PIK3R5: variants seen among roughly 807,000 people sequenced by gnomAD.
PIK3R5 encodes the protein phosphoinositide-3-kinase regulatory subunit 5, also known as phosphoinositide 3-kinase regulatory subunit 5.
PIK3R5 carries 32 observed loss-of-function variants against 94.9 expected under a neutral mutation model. The ratio of observed to expected loss-of-function variants is 0.34; its 90% CI spans 0.25 to 0.45. The LOEUF (loss-of-function observed/expected upper bound fraction) is 0.45, where lower values mean the gene tolerates loss of function less well. Among genes scored for constraint, PIK3R5 ranks in the 20% least tolerant of loss-of-function variants. PIK3R5 has a pLI of 1.00. For missense variants in PIK3R5, 853 were observed against 1,144.6 expected (o/e 0.75, Z 3.68); for synonymous variants, 443 against 479.4 (o/e 0.92, Z 0.99).
At chr17:8,914,830 T>C (rs181538) in intron 1 of PIK3R5, among the ~76,000 whole-genome samples, 73,673 of 152,154 alleles carry the variant, frequency 0.48, 18,017 homozygotes, top group East Asian at 0.62. Context: ...CTGAGCCGGT[T>C]TGTTGTTACT....
At chr17:8,905,860 T>A (rs1597392154) in intron 3 of PIK3R5, 123 bp from the exon 4 acceptor site, 1 of 475,706 alleles carries the variant, frequency 2.1e-6, no homozygotes, top group Non-Finnish European at 3.7e-6. Flanking sequence ...GGGAAAATAG[T>A]GCAATCACAT....
chr17:8,879,516 A>T lies in PIK3R5; in HGVS notation c.*1123T>A, dbSNP rs141255249. The T allele has an allele frequency of 9.2e-5, 14 of 152,328 alleles. No individual in the cohort carries two copies. The highest frequency in any genetic ancestry group is 3.1e-4 in the African/African-American group (13 of 41,554). The allele number at this position is 152,328 out of a possible 1,614,324, so 9.4% of individuals were successfully genotyped here. On this transcript the variant is annotated 3_prime_UTR_variant, in exon 19 of 19. Transcript: ENST00000447110. The surrounding 1 kb of genome is among the most constrained non-coding windows in gnomAD (Gnocchi z 4.4). ...AACTTGCGGATATGGAAGATTGTAC[A>T]CGCAGAGTGAGATGGGAGTGGGAGG... is the stretch of plus-strand genomic sequence containing the variant.
At chr17:8,917,699 C>G (rs2151424391) in intron 1 of PIK3R5, among the ~76,000 whole-genome samples, 1 of 152,208 alleles carries the variant, frequency 6.6e-6, no homozygotes, top group South Asian at 2.1e-4. Flanking sequence ...AACCCTGTCT[C>G]TATTAAAAAT....
In PIK3R5 at chr17:8,893,008, G is replaced by C. The variant is rs1459448611; in HGVS notation, c.482+578C>G. Among the ~76,000 whole-genome samples, 1 of 151,882 alleles carries C rather than the reference G, an allele frequency of 6.6e-6. No individual in the cohort carries two copies. Among genetic ancestry groups the C allele is most frequent in the Non-Finnish European group, 1.5e-5 (1 of 68,032 alleles). Reference sequence around the variant, plus strand: ...TTCTTAAATGAAATAGAATAGAACAGAGCTCATCCTATGTAACCAGGATAC... The same window carrying C: ...TTCTTAAATGAAATAGAATAGAACACAGCTCATCCTATGTAACCAGGATAC... On this transcript the variant is annotated intron_variant, in intron 6 of 18. Transcript: ENST00000447110. This position sits in a 1 kb window ranked among gnomAD's most constrained non-coding sequence, Gnocchi z 5.1.
chr17:8,936,291 G>A (rs1218709539), intron 1 of PIK3R5, among the ~76,000 whole-genome samples: 1 of 152,102 alleles, frequency 6.6e-6, no homozygotes, highest in African/African-American at 2.4e-5. Flanking sequence ...TCCACAGTGT[G>A]CGTTAGGGTG....
At chr17:8,932,284 A>G (rs1255806984) in intron 1 of PIK3R5, among the ~76,000 whole-genome samples, 2 of 151,966 alleles carry the variant, frequency 1.3e-5, no homozygotes, top group Admixed American at 6.6e-5. Flanking sequence ...CCCAGGCTGG[A>G]GTGCAGTGGC....
Position 8,911,609 on chromosome 17 carries a change from C to T in PIK3R5, c.-13-102G>A, listed in dbSNP as rs1301192061. The stretch of plus-strand genomic sequence containing the variant: ...TGCTCACAGTGCAGCGCGATCAGCC[C>T]AGCCCAGCTATAGCTCAGGTGCTGT... On this transcript the variant is annotated intron_variant, in intron 1 of 18. Coordinates refer to ENST00000447110, the MANE Select transcript of PIK3R5 (RefSeq NM_001142633.3). The surrounding 1 kb of genome is among the most constrained non-coding windows in gnomAD (Gnocchi z 5.3). 1.4e-6 allele frequency: 1 copy of T among 723,400 alleles called. No homozygotes were observed. Among genetic ancestry groups the T allele is most frequent in the Non-Finnish European group, 2.3e-6 (1 of 434,130 alleles). 44.8% of individuals were successfully genotyped at this position (723,400 alleles called of 1,614,324 possible).
In PIK3R5 at chr17:8,881,522, T is replaced by G. The variant is rs1223539488; in HGVS notation, c.2382+108A>C. 2.3e-6 allele frequency: 2 copies of G among 861,020 alleles called. No homozygotes were observed. Among genetic ancestry groups the G allele is most frequent in the Non-Finnish European group, 3.8e-6 (2 of 522,788 alleles). The allele number at this position is 861,020 out of a possible 1,614,324, so 53.3% of individuals were successfully genotyped here. ...AAGTATGTACACACGGGTGTGTATGTGCACACATGCACACACATACATGTG... is the reference window on the plus strand; with the variant it reads ...AAGTATGTACACACGGGTGTGTATGGGCACACATGCACACACATACATGTG... On this transcript the variant is annotated intron_variant, in intron 17 of 18. Coordinates refer to ENST00000447110, the MANE Select transcript of PIK3R5 (RefSeq NM_001142633.3). The surrounding 1 kb of genome is among the most constrained non-coding windows in gnomAD (Gnocchi z 4.8).
intron 1 of PIK3R5, among the ~76,000 whole-genome samples, chr17:8,922,311 T>C (rs965509232): frequency 5.3e-5 from 8 of 152,218 alleles, no homozygotes; most frequent in African/African-American, 1.9e-4. Flanking sequence ...CAATCCCCAT[T>C]GTCTTGGGAA....
At position 8,882,034 on chromosome 17, in the gene PIK3R5, G is replaced by C. The variant is rs141079766; in HGVS notation, c.2206-153C>G. The C allele has an allele frequency of 1.3e-3, 822 of 634,664 alleles. 2 individuals carry two copies. Among genetic ancestry groups the C allele is most frequent in the Non-Finnish European group, 2.0e-3 (716 of 355,060 alleles). The allele number at this position is 634,664 out of a possible 1,614,324, so 39.3% of individuals were successfully genotyped here. ...TCACCAGGGCCCCTGTACCACCCTG[G>C]ATAGACCTGGATGACTCCAGGGAAG... On this transcript the variant is annotated intron_variant, in intron 15 of 18. Transcript: ENST00000447110. This position sits in a 1 kb window ranked among gnomAD's most constrained non-coding sequence, Gnocchi z 4.1.
rs1004473961 is a variant in PIK3R5 at position 8,955,135 on chromosome 17, T to A, written c.-14+10461A>T. On this transcript the variant is annotated intron_variant, in intron 1 of 18. Transcript: ENST00000447110. This position sits in a 1 kb window ranked among gnomAD's most constrained non-coding sequence, Gnocchi z 4.4. The stretch of plus-strand genomic sequence containing the variant: ...GAAGACCAGTGATATGTCTGGAGGG[T>A]CCTTGAGGGGAGGATGACCGAACCC... Among the ~76,000 whole-genome samples, 2 of 151,822 alleles carry A rather than the reference T, an allele frequency of 1.3e-5. No homozygotes were observed. Among genetic ancestry groups the A allele is most frequent in the African/African-American group, 2.4e-5 (1 of 41,276 alleles).
At position 8,890,325 on chromosome 17, in the gene PIK3R5, T is replaced by A. The variant is rs2089991211; in HGVS notation, c.658-199A>T. 6.6e-6 allele frequency among the ~76,000 whole-genome samples: 1 copy of A among 152,114 alleles called. No individual in the cohort carries two copies. Among genetic ancestry groups the A allele is most frequent in the South Asian group, 2.1e-4 (1 of 4,826 alleles). ...TCAGGAAATGGTCAGGAGAGAAAGA[T>A]CCAGAGCCACGGCACTGCAGTTAGG... On this transcript the variant is annotated intron_variant, in intron 7 of 18. Transcript: ENST00000447110. The surrounding 1 kb of genome is among the most constrained non-coding windows in gnomAD (Gnocchi z 6.1).
chr17:8,964,399 T>C (rs1446461933), intron 1 of PIK3R5, among the ~76,000 whole-genome samples: 1 of 151,718 alleles, frequency 6.6e-6, no homozygotes, highest in Non-Finnish European at 1.5e-5. Context: ...TCAATAATAA[T>C]AATAATAATA....
At chr17:8,932,487 G>A (rs569891975) in intron 1 of PIK3R5, among the ~76,000 whole-genome samples, 14 of 152,132 alleles carry the variant, frequency 9.2e-5, no homozygotes, top group East Asian at 5.8e-4. Context: ...TGCCCACCTC[G>A]GCCTCCCAAA....
chr17:8,954,271 T>C (rs2091429617), intron 1 of PIK3R5, among the ~76,000 whole-genome samples: 1 of 152,180 alleles, frequency 6.6e-6, no homozygotes. Context: ...AATCAGTTAG[T>C]AATACTTTAA....
At chr17:8,898,434 A>G (rs770511389) in intron 5 of PIK3R5, among the ~76,000 whole-genome samples, 3 of 152,274 alleles carry the variant, frequency 2.0e-5, no homozygotes, top group Non-Finnish European at 4.4e-5. Context: ...GCCATCTGTC[A>G]GTGCCTCTTG....
chr17:8,891,018 C>T, intron 6 of PIK3R5, 106 bp from the exon 7 acceptor site: 2 of 1,091,180 alleles, frequency 1.8e-6, no homozygotes, highest in Non-Finnish European at 2.6e-6. Context: ...AGACCAGGGC[C>T]TCCTCAAGCC....
Position 8,880,890 on chromosome 17 carries a change from A to T in PIK3R5, c.2495+15T>A, listed in dbSNP as rs768525251. ...AGCAGAAACTGCTCCCCTCCCTAGG[A>T]CCCCCCTTTCCTACCTGACTACACT... On this transcript the variant is annotated intron_variant, in intron 18 of 18. Coordinates refer to ENST00000447110, the MANE Select transcript of PIK3R5 (RefSeq NM_001142633.3). 6.8e-6 allele frequency: 11 copies of T among 1,612,722 alleles called. No individual in the cohort carries two copies. The South Asian group carries it at 1.1e-4, about 16-fold the overall frequency.
chr17:8,885,078 G>C (rs1035103239), intron 14 of PIK3R5: 5 of 397,342 alleles, frequency 1.3e-5, no homozygotes, highest in Non-Finnish European at 1.9e-5. Context: ...CCAGGGTCCT[G>C]CCTCTCCAGG....
Sources: allele counts gnomAD v4.1 joint callset (sites outside exome capture counted in the v4.1 genomes callset), GRCh38; gene constraint gnomAD v4.1.1; non-coding constraint Gnocchi (gnomAD v3.1); transcripts MANE v1.5; gene names NCBI Gene and HGNC (gene_info 2026-07-23, HGNC 2026-07-21).